EPHA6: variants seen among roughly 807,000 people sequenced by gnomAD.
EPHA6 encodes EPH receptor A6.
EPHA6 carries 50 observed loss-of-function variants against 112.0 expected under a neutral mutation model. The ratio of observed to expected loss-of-function variants is 0.45; its 90% CI spans 0.36 to 0.56. EPHA6 has a LOEUF of 0.56. EPHA6 is among the 20% of genes least tolerant of loss of function. The probability of loss-of-function intolerance (pLI) is 0.00; values close to 1 mark genes in which losing one functional copy is unlikely to be tolerated. For synonymous variants in EPHA6, 529 were observed against 490.7 expected (o/e 1.08, Z -1.03); for missense variants, 1,280 against 1,417.4 (o/e 0.90, Z 1.56).
chr3:97,519,435 T>C (rs550358173), intron 10 of EPHA6, among the ~76,000 whole-genome samples: 6 of 152,358 alleles, frequency 3.9e-5, no homozygotes, highest in Non-Finnish European at 5.9e-5. Context: ...TTCAGCTTTA[T>C]TCTTTTGCTC....
rs550142993 is a variant in EPHA6, at chr3:97,549,583, A to G, written c.2386+17040A>G. Among the ~76,000 whole-genome samples, 107 of 152,308 alleles carry G rather than the reference A, an allele frequency of 7.0e-4. 1 individual carries two copies. In the South Asian group the frequency reaches 0.022, roughly 32 times the overall value. ...CGAATGACTCTGGATTGAACACCAGACACAGAAATGTAGCTCTCTCAGAAC... is the reference window on the plus strand; with the variant it reads ...CGAATGACTCTGGATTGAACACCAGGCACAGAAATGTAGCTCTCTCAGAAC... On this transcript the variant is annotated intron_variant, in intron 11 of 17. Transcript: ENST00000389672.
chr3:96,950,586 A>G (rs1434441845), intron 2 of EPHA6, among the ~76,000 whole-genome samples: 1 of 152,172 alleles, frequency 6.6e-6, no homozygotes, highest in Non-Finnish European at 1.5e-5. Context: ...GAAGTTGAAG[A>G]GAAATAAATC....
rs2088999015 is a variant in EPHA6 at position 97,425,082 on chromosome 3, C to T, written c.1731+19808C>T. Among the ~76,000 whole-genome samples, 3 of 152,176 alleles carry T rather than the reference C, an allele frequency of 2.0e-5. No homozygotes were observed. The South Asian group carries it at 6.2e-4, about 32-fold the overall frequency. ...CCCCTGTGGCTTTGCAGGGTACAGC[C>T]CCCTCCTGGCTGCTATCACAGGCTG... On this transcript the variant is annotated intron_variant, in intron 6 of 17. Transcript: ENST00000389672.
intron 6 of EPHA6, among the ~76,000 whole-genome samples, chr3:97,407,756 T>C (rs538259424): frequency 6.6e-6 from 1 of 152,158 alleles, no homozygotes; most frequent in South Asian, 2.1e-4. Flanking sequence ...TTACTAATAC[T>C]GCTTTTCTCC....
At chr3:97,685,505 T>C (rs2032181325) in intron 14 of EPHA6, among the ~76,000 whole-genome samples, 1 of 152,186 alleles carries the variant, frequency 6.6e-6, no homozygotes, top group African/African-American at 2.4e-5. Context: ...TAGCTAGAAA[T>C]TGTGCTGTAC....
intron 11 of EPHA6, among the ~76,000 whole-genome samples, chr3:97,568,517 A>C (rs1310892297): frequency 6.6e-6 from 1 of 152,190 alleles, no homozygotes; most frequent in Non-Finnish European, 1.5e-5. Flanking sequence ...TGCCTGCTTC[A>C]GTTCTATTAA....
chr3:97,338,241 AC>A (rs1202989216), intron 5 of EPHA6, among the ~76,000 whole-genome samples: 1 of 152,002 alleles, frequency 6.6e-6, no homozygotes, highest in Non-Finnish European at 1.5e-5. Flanking sequence ...TTAGAACCAA[AC>A]CTGGGTCATA....
At chr3:96,834,672 G>A (rs1456044888) in intron 1 of EPHA6, among the ~76,000 whole-genome samples, 1 of 151,856 alleles carries the variant, frequency 6.6e-6, no homozygotes, top group Non-Finnish European at 1.5e-5. Flanking sequence ...TACTGTTAAA[G>A]TTTGGTCAGT....
At chr3:97,555,456 A>G (rs976735051) in intron 11 of EPHA6, among the ~76,000 whole-genome samples, 14 of 152,108 alleles carry the variant, frequency 9.2e-5, no homozygotes, top group Admixed American at 2.0e-4. Flanking sequence ...GTAATGGGAT[A>G]GCTGGGTCAA....
intron 1 of EPHA6, among the ~76,000 whole-genome samples, chr3:96,856,355 G>A (rs563382097): frequency 6.6e-6 from 1 of 152,204 alleles, no homozygotes; most frequent in African/African-American, 2.4e-5. Context: ...GTCAGCAAAT[G>A]TCATTGTCCT....
At chr3:97,184,133 A>G (rs575433120) in intron 3 of EPHA6, among the ~76,000 whole-genome samples, 1 of 152,232 alleles carries the variant, frequency 6.6e-6, no homozygotes, top group East Asian at 1.9e-4. Context: ...GCTTTAAAAC[A>G]ATTTCTTGAG....
rs1364669090 is a variant in EPHA6 at position 97,650,647 on chromosome 3, CAAA to C, written c.2784+12569_2784+12571del. Among the ~76,000 whole-genome samples, 17 of 151,732 alleles carry C rather than the reference CAAA, an allele frequency of 1.1e-4. 1 individual carries two copies. In the South Asian group the frequency reaches 3.1e-3, roughly 28 times the overall value. On this transcript the variant is annotated intron_variant, in intron 14 of 17. Coordinates refer to ENST00000389672, the MANE Select transcript of EPHA6 (RefSeq NM_001080448.3). ...ATATTTTATTTGTACAAATCACACA[CAAA>C]AAAGAACCTAAAAAACAAAAACAAG...
intron 6 of EPHA6, among the ~76,000 whole-genome samples, chr3:97,421,724 T>A (rs947691142): frequency 1.3e-5 from 2 of 152,134 alleles, no homozygotes; most frequent in African/African-American, 4.8e-5. Context: ...GGCAGATACT[T>A]TAGAGTTACT....
In EPHA6 at chr3:97,253,083, G is replaced by A. The variant is rs575479474; in HGVS notation, c.1606+8796G>A. ...GTCTTTTACTCTTTAAGATTTGGAA[G>A]TGAAAGTTTGTCTACGTGAAAAAAA... On this transcript the variant is annotated intron_variant, in intron 5 of 17. Coordinates refer to ENST00000389672, the MANE Select transcript of EPHA6 (RefSeq NM_001080448.3). 7.9e-5 allele frequency among the ~76,000 whole-genome samples: 12 copies of A among 152,238 alleles called. 1 individual carries two copies. The highest frequency in any genetic ancestry group is 7.8e-4 in the Admixed American group (12 of 15,294).
At chr3:96,950,171 C>G (rs575363047) in intron 2 of EPHA6, among the ~76,000 whole-genome samples, 4 of 152,032 alleles carry the variant, frequency 2.6e-5, no homozygotes, top group African/African-American at 9.7e-5. Flanking sequence ...TCATCTTTCC[C>G]CATTAGTCTA....
At chr3:97,433,981 T>C (rs938946825) in intron 6 of EPHA6, among the ~76,000 whole-genome samples, 1 of 152,176 alleles carries the variant, frequency 6.6e-6, no homozygotes, top group African/African-American at 2.4e-5. Flanking sequence ...CTTAAATTTT[T>C]ATGTTAGACT....
chr3:97,679,255 G>A (rs1363572798), intron 14 of EPHA6, among the ~76,000 whole-genome samples: 1 of 152,020 alleles, frequency 6.6e-6, no homozygotes, highest in African/African-American at 2.4e-5. Context: ...AAATAATCTG[G>A]AATCTATTCA....
At chr3:97,028,040 T>C (rs551144873) in intron 3 of EPHA6, among the ~76,000 whole-genome samples, 24 of 152,312 alleles carry the variant, frequency 1.6e-4, no homozygotes, top group African/African-American at 5.8e-4. Flanking sequence ...AACTTTGGCA[T>C]CATTTAAGAA....
chr3:97,408,849 A>G (rs2087529525), intron 6 of EPHA6, among the ~76,000 whole-genome samples: 1 of 152,088 alleles, frequency 6.6e-6, no homozygotes, highest in Non-Finnish European at 1.5e-5. Flanking sequence ...TTGGAAGGAC[A>G]TAAACATTCA....
Sources: allele counts gnomAD v4.1 joint callset (sites outside exome capture counted in the v4.1 genomes callset), GRCh38; gene constraint gnomAD v4.1.1; transcripts MANE v1.5; gene names NCBI Gene and HGNC (gene_info 2026-07-23, HGNC 2026-07-21).